Variants in ANTXRL observed in about 807,000 individuals in gnomAD.
ANTXRL encodes ANTXR like.
A neutral mutation model predicts 75.4 loss-of-function variants in ANTXRL; 63 were observed. That is an observed-to-expected ratio of 0.84 (90% CI 0.68 to 1.03). The LOEUF (loss-of-function observed/expected upper bound fraction) is 1.03. Ranked by LOEUF, ANTXRL falls within the 50% of genes least tolerant of loss-of-function variation. The pLI, the probability that ANTXRL is intolerant of heterozygous loss-of-function variation, is 0.00. For synonymous variants in ANTXRL, 335 were observed against 291.3 expected (o/e 1.15, Z -1.53); for missense variants, 797 against 789.4 (o/e 1.01, Z -0.12).
At chr10:46,322,736 T>C (rs1839040449) in intron 16 of ANTXRL, among the ~76,000 whole-genome samples, 1 of 152,140 alleles carries the variant, frequency 6.6e-6, no homozygotes, top group South Asian at 2.1e-4. Flanking sequence ...AACATTGAAT[T>C]TACATCCTTT....
Position 46,329,943 on chromosome 10 carries a change from C to T in ANTXRL, c.1755C>T (p.Pro585=). ...SCLQPSRECL[P]LTCSSRCRLP... ...TTCAACCCAGCCGGGAGTGCCTCCCCCTCACCTGCTCCTCCAGGTGCCGCC... is the reference window on the plus strand; with the variant it reads ...TTCAACCCAGCCGGGAGTGCCTCCCTCTCACCTGCTCCTCCAGGTGCCGCC... Residue 585 remains proline (P), a synonymous_variant, in exon 17 of 17, where the codon CCC becomes CCT. Transcript: ENST00000620264. 6.5e-7 allele frequency: 1 copy of T among 1,535,872 alleles called. No individual in the cohort carries two copies. Among genetic ancestry groups the T allele is most frequent in the African/African-American group, 1.4e-5 (1 of 73,096 alleles).
intron 13 of ANTXRL, among the ~76,000 whole-genome samples, chr10:46,310,152 A>G (rs1554963059): frequency 6.6e-6 from 1 of 152,094 alleles, no homozygotes; most frequent in Non-Finnish European, 1.5e-5. Context: ...TGTCTTCTCC[A>G]TGTGGCTGTG....
At chr10:46,291,279 T>G (rs190095231) in intron 1 of ANTXRL, among the ~76,000 whole-genome samples, 1 of 152,316 alleles carries the variant, frequency 6.6e-6, no homozygotes, top group East Asian at 1.9e-4. Flanking sequence ...GTTCTGTTCA[T>G]TGCTCTACAT....
chr10:46,309,287 A>AAT, intron 13 of ANTXRL, 85 bp downstream of exon 13: 1 of 1,523,604 alleles, frequency 6.6e-7, no homozygotes, highest in Non-Finnish European at 8.8e-7. Context: ...GCCCCCCGTG[A>AAT]TCCCGCCTGT....
At chr10:46,293,266 C>CTG (rs1447949352) in intron 2 of ANTXRL, among the ~76,000 whole-genome samples, 5 of 80,418 alleles carry the variant, frequency 6.2e-5, no homozygotes, top group East Asian at 3.0e-4. Context: ...GTGTGTATAC[C>CTG]TGTGCGTGTG....
At chr10:46,324,311 T>G (rs1839111144) in intron 16 of ANTXRL, among the ~76,000 whole-genome samples, 1 of 152,188 alleles carries the variant, frequency 6.6e-6, no homozygotes, top group Non-Finnish European at 1.5e-5. Flanking sequence ...GTTGACTCTC[T>G]TTATGAACCG....
At chr10:46,323,633 A>T (rs1839080646) in intron 16 of ANTXRL, among the ~76,000 whole-genome samples, 1 of 152,166 alleles carries the variant, frequency 6.6e-6, no homozygotes. Flanking sequence ...AATGATTAGA[A>T]TATTCCCTAA....
At chr10:46,313,445 C>G in intron 16 of ANTXRL, 129 bp downstream of exon 16, 1 of 969,046 alleles carries the variant, frequency 1.0e-6, no homozygotes, top group Non-Finnish European at 1.6e-6. Context: ...ACAAGACACA[C>G]AGAAACGGTG....
rs1236772245 is a variant in ANTXRL, at chr10:46,297,754, A to C, written c.655-77A>C. The C allele has an allele frequency of 3.0e-5, 39 of 1,288,392 alleles. 1 individual carries two copies. The highest frequency in any genetic ancestry group is 4.0e-5 in the Non-Finnish European group (37 of 923,362). The allele number at this position is 1,288,392 out of a possible 1,614,324, so 79.8% of individuals were successfully genotyped here. A position where few individuals can be genotyped will look rare whatever the true frequency, so the allele number is the denominator to read the frequency against. On this transcript the variant is annotated intron_variant, in intron 7 of 16. Coordinates refer to ENST00000620264, the MANE Select transcript of ANTXRL (RefSeq NM_001278688.3). ...GCTGCCCCCAAAGCATGAGGGCAAG[A>C]CACTGTCTCCTGGGCCGGGGGTCTG... is the stretch of plus-strand genomic sequence containing the variant.
chr10:46,291,513 CAA>C (rs1836982250), intron 1 of ANTXRL, among the ~76,000 whole-genome samples: 1 of 151,888 alleles, frequency 6.6e-6, no homozygotes, highest in Non-Finnish European at 1.5e-5. Context: ...GTTATCTTAA[CAA>C]TATTATTATT....
chr10:46,307,483 G>T lies in ANTXRL; in HGVS notation c.1044+3G>T. 6.5e-7 allele frequency: 1 copy of T among 1,535,848 alleles called. No homozygotes were observed. The highest frequency in any genetic ancestry group is 1.2e-5 in the South Asian group (1 of 84,034). On this transcript the variant is annotated splice_donor_region_variant and intron_variant, in intron 12 of 16. Transcript: ENST00000620264. ...TCAGCATCACCAGCACCACATGTGT[G>T]AGTACCAGCATGGGGCTGCAAACAT...
At chr10:46,321,358 G>A (rs73292936) in intron 16 of ANTXRL, among the ~76,000 whole-genome samples, 2,318 of 152,242 alleles carry the variant, frequency 0.015, 64 homozygotes, top group African/African-American at 0.053. Context: ...TCTTTGAAAA[G>A]TTGTCCATTT....
At chr10:46,301,527 C>T (rs1185257305) in intron 9 of ANTXRL, among the ~76,000 whole-genome samples, 3 of 152,148 alleles carry the variant, frequency 2.0e-5, no homozygotes, top group Non-Finnish European at 4.4e-5. Flanking sequence ...GCGTTGAGGG[C>T]CTTGGAGTGA....
chr10:46,319,320 A>G lies in ANTXRL; in HGVS notation c.1410+6004A>G, dbSNP rs191674725. Among the ~76,000 whole-genome samples the G allele has an allele frequency of 7.8e-4, 118 of 152,178 alleles. 1 individual carries two copies. Among genetic ancestry groups the G allele is most frequent in the African/African-American group, 2.8e-3 (115 of 41,434 alleles). ...TATGGAATTCACAAGTCACAACATC[A>G]TGCCACTTCAATACTTTTGTATGCT... On this transcript the variant is annotated intron_variant, in intron 16 of 16. Transcript: ENST00000620264.
rs527936767 is a variant in ANTXRL, at chr10:46,326,611, G to A, written c.1411-2988G>A. 3.9e-5 allele frequency among the ~76,000 whole-genome samples: 6 copies of A among 152,230 alleles called. No individual in the cohort carries two copies. In the East Asian group the frequency reaches 1.2e-3, roughly 30 times the overall value. ...TGACCAGAAGCCAAGATCTTGCCTG[G>A]GCCTTATAGTCTGGGTGGTGCCCAG... On this transcript the variant is annotated intron_variant, in intron 16 of 16. Transcript: ENST00000620264.
chr10:46,325,388 G>T (rs1041990778), intron 16 of ANTXRL, among the ~76,000 whole-genome samples: 7 of 152,112 alleles, frequency 4.6e-5, no homozygotes, highest in Admixed American at 1.3e-4. Flanking sequence ...AAATGAGAAG[G>T]TCCCTTTGGT....
At chr10:46,319,023 G>A (rs1384238650) in intron 16 of ANTXRL, among the ~76,000 whole-genome samples, 1 of 152,144 alleles carries the variant, frequency 6.6e-6, no homozygotes, top group East Asian at 1.9e-4. Flanking sequence ...GTGAGTGGCT[G>A]AAGTGTGGCT....
intron 8 of ANTXRL, 37 bp downstream of exon 8, chr10:46,297,948 C>A: frequency 6.5e-7 from 1 of 1,535,740 alleles, no homozygotes; most frequent in Non-Finnish European, 8.7e-7. Context: ...GGACCTGGAT[C>A]CTTTGGCAGG....
intron 16 of ANTXRL, among the ~76,000 whole-genome samples, chr10:46,328,191 C>T (rs1310331690): frequency 6.6e-6 from 1 of 152,122 alleles, no homozygotes; most frequent in African/African-American, 2.4e-5. Context: ...TGGAGGAGGC[C>T]ACTCTGGAGC....
Sources: allele counts gnomAD v4.1 joint callset (sites outside exome capture counted in the v4.1 genomes callset), GRCh38; gene constraint gnomAD v4.1.1; transcripts MANE v1.5; gene names NCBI Gene and HGNC (gene_info 2026-07-23, HGNC 2026-07-21).